Variants in GTPBP10 observed in about 807,000 individuals in gnomAD.
The protein encoded by GTPBP10 is GTP binding protein 10, also known as GTP-binding protein 10.
GTPBP10 carries 38 observed loss-of-function variants against 44.8 expected under a neutral mutation model. The ratio of observed to expected loss-of-function variants is 0.85; its 90% confidence interval spans 0.65 to 1.11. The LOEUF is 1.11. Among genes scored for constraint, GTPBP10 ranks in the 50% most tolerant of loss-of-function variants. The pLI is 0.00. For missense variants in GTPBP10, 462 were observed against 453.7 expected (o/e 1.02, Z -0.17); for synonymous variants, 152 against 150.6 (o/e 1.01, Z -0.07).
At chr7:90,351,123 AC>A (rs1265312382) in intron 1 of GTPBP10, among the ~76,000 whole-genome samples, 1 of 152,244 alleles carries the variant, frequency 6.6e-6, no homozygotes, top group African/African-American at 2.4e-5. Context: ...ACAGGAGGTA[AC>A]TACGAAATTA....
At chr7:90,365,368 C>CT (rs59645149) in intron 4 of GTPBP10, among the ~76,000 whole-genome samples, 1,830 of 90,236 alleles carry the variant, frequency 0.02, 74 homozygotes, top group Non-Finnish European at 0.023. Flanking sequence ...TTGGGGTTTT[C>CT]TTTTTTTTTT....
chr7:90,347,194 C>T (rs42647), intron 1 of GTPBP10, among the ~76,000 whole-genome samples: 136,084 of 152,238 alleles, frequency 0.89, 61,033 homozygotes, highest in East Asian at 1. Context: ...ATGTGCCTTC[C>T]TGCAGAACAT....
intron 6 of GTPBP10, among the ~76,000 whole-genome samples, chr7:90,375,352 A>G (rs951384162): frequency 1.2e-4 from 19 of 152,304 alleles, no homozygotes; most frequent in South Asian, 2.1e-4. Context: ...CTGTAATGGT[A>G]GACACAGTAT....
At chr7:90,373,137 G>C (rs1796289319) in intron 5 of GTPBP10, among the ~76,000 whole-genome samples, 1 of 152,110 alleles carries the variant, frequency 6.6e-6, no homozygotes, top group African/African-American at 2.4e-5. Flanking sequence ...TGTGTGTCTA[G>C]AGAACATGAA....
In GTPBP10 at chr7:90,388,158, G is replaced by C. The variant is rs1796557438; in HGVS notation, c.*3004G>C. 1 of 151,788 alleles carries C rather than the reference G, an allele frequency of 6.6e-6. No homozygotes were observed. The highest frequency in any genetic ancestry group is 1.5e-5 in the Non-Finnish European group (1 of 67,944). The allele number at this position is 151,788 out of a possible 1,614,324, so 9.4% of individuals were successfully genotyped here. On this transcript the variant is annotated 3_prime_UTR_variant, in exon 10 of 10. Transcript: ENST00000222511. ...CTCTATGTACCTTTTTTTGACCTTT[G>C]ATTTTTATTCTGATGGAGAAGATCA... is the stretch of plus-strand genomic sequence containing the variant.
chr7:90,351,232 G>T (rs1330558986), intron 1 of GTPBP10, among the ~76,000 whole-genome samples: 1 of 152,148 alleles, frequency 6.6e-6, no homozygotes, highest in Non-Finnish European at 1.5e-5. Context: ...TGCAAATGCT[G>T]CCATGTAAGA....
At chr7:90,365,426 A>G (rs1427207391) in intron 4 of GTPBP10, among the ~76,000 whole-genome samples, 2 of 120,662 alleles carry the variant, frequency 1.7e-5, no homozygotes, top group African/African-American at 6.6e-5. Flanking sequence ...CCCAGGCTGG[A>G]GTGCAGTGGC....
In GTPBP10 at chr7:90,354,304, T is replaced by C. The variant is rs114937132; in HGVS notation, c.228-154T>C. ...ATGCAAAGAAATAATTAGGGATAAT[T>C]TTAGTTTTTTTAAACCCCGTGTTTG... On this transcript the variant is annotated intron_variant, in intron 2 of 9. Transcript: ENST00000222511. 8.3e-3 allele frequency among the ~76,000 whole-genome samples: 1,261 copies of C among 152,212 alleles called. 15 individuals carry two copies. Among genetic ancestry groups the C allele is most frequent in the African/African-American group, 0.029 (1,185 of 41,534 alleles).
intron 8 of GTPBP10, 38 bp downstream of exon 8, chr7:90,378,249 A>G (rs749948978): frequency 6.4e-7 from 1 of 1,567,550 alleles, no homozygotes; most frequent in Non-Finnish European, 8.7e-7. Flanking sequence ...TATTTGGTCT[A>G]ATACATAGGA....
rs1008457936 is a variant in GTPBP10, at chr7:90,388,559, T to G, written c.*3405T>G. 6.6e-6 allele frequency: 1 copy of G among 152,174 alleles called. No homozygotes were observed. Among genetic ancestry groups the G allele is most frequent in the Non-Finnish European group, 1.5e-5 (1 of 68,020 alleles). 9.4% of individuals were successfully genotyped at this position (152,174 alleles called of 1,614,324 possible). ...TATGTTGTGCTTTTTGTGATATATA[T>G]TCATATTATTATTTGTCATAACAAG... On this transcript the variant is annotated 3_prime_UTR_variant, in exon 10 of 10. Transcript: ENST00000222511.
At chr7:90,349,801 C>T (rs954839440) in intron 1 of GTPBP10, among the ~76,000 whole-genome samples, 4 of 152,098 alleles carry the variant, frequency 2.6e-5, no homozygotes, top group Non-Finnish European at 4.4e-5. Context: ...GGGAGATATT[C>T]TTTCGTCTCA....
chr7:90,348,034 C>T (rs140151890), intron 1 of GTPBP10, among the ~76,000 whole-genome samples: 185 of 152,156 alleles, frequency 1.2e-3, no homozygotes, highest in African/African-American at 3.8e-3. Context: ...CAAGACCAGT[C>T]TGGGCAACAT....
intron 4 of GTPBP10, among the ~76,000 whole-genome samples, chr7:90,357,347 T>C (rs1223872179): frequency 6.6e-6 from 1 of 152,136 alleles, no homozygotes. Context: ...TAGTGATAAT[T>C]ATGGATAAAA....
intron 4 of GTPBP10, among the ~76,000 whole-genome samples, chr7:90,371,515 AG>A (rs1796256995): frequency 6.6e-6 from 1 of 152,188 alleles, no homozygotes; most frequent in African/African-American, 2.4e-5. Context: ...AGAAAAATGA[AG>A]ACTTTGGAAA....
chr7:90,368,529 C>T (rs910886120), intron 4 of GTPBP10, among the ~76,000 whole-genome samples: 3 of 152,030 alleles, frequency 2.0e-5, no homozygotes, highest in Admixed American at 6.6e-5. Flanking sequence ...CGCTTTATTT[C>T]ATTAATTTAA....
At chr7:90,384,602 C>CA (rs1491145988) in intron 9 of GTPBP10, among the ~76,000 whole-genome samples, 1 of 151,114 alleles carries the variant, frequency 6.6e-6, no homozygotes, top group East Asian at 1.9e-4. Context: ...TAACCCCCCC[C>CA]ACACACACAA....
rs1370792517 is a variant in GTPBP10 at position 90,346,716 on chromosome 7, A to G, written c.-26A>G. 2.5e-6 allele frequency: 4 copies of G among 1,611,080 alleles called. No homozygotes were observed. Among genetic ancestry groups the G allele is most frequent in the Non-Finnish European group, 1.7e-6 (2 of 1,177,148 alleles). On this transcript the variant is annotated 5_prime_UTR_variant, in exon 1 of 10. Transcript: ENST00000222511. ...TACTGCGGCTTGTGCCGCTTCCGCA[A>G]GAAGGTTTCCTGGCCTGTTGCAGCC... is the stretch of plus-strand genomic sequence containing the variant.
chr7:90,363,513 G>C (rs1308110956), intron 4 of GTPBP10, among the ~76,000 whole-genome samples: 1 of 152,164 alleles, frequency 6.6e-6, no homozygotes. Context: ...AGCTGTTAGT[G>C]TGATGAGCTT....
intron 4 of GTPBP10, among the ~76,000 whole-genome samples, chr7:90,365,123 T>C (rs1268445653): frequency 6.6e-6 from 1 of 152,110 alleles, no homozygotes; most frequent in East Asian, 1.9e-4. Context: ...CTCAGTGGGC[T>C]GCACCCACTG....
Sources: allele counts gnomAD v4.1 joint callset (sites outside exome capture counted in the v4.1 genomes callset), GRCh38; gene constraint gnomAD v4.1.1; transcripts MANE v1.5; gene names NCBI Gene and HGNC (gene_info 2026-07-23, HGNC 2026-07-21).